PEAK1: variants seen among roughly 807,000 people sequenced by gnomAD.
The protein encoded by PEAK1 is pseudopodium enriched atypical kinase 1.
PEAK1 carries 54 observed loss-of-function variants against 124.7 expected under a neutral mutation model. That is an observed-to-expected ratio of 0.43 (90% CI 0.35 to 0.54). The LOEUF (loss-of-function observed/expected upper bound fraction) is 0.54, where lower values mean the gene tolerates loss of function less well. PEAK1 is among the 20% of genes least tolerant of loss of function. The pLI, the probability that PEAK1 is intolerant of heterozygous loss-of-function variation, is 0.01. For missense variants in PEAK1, 2,046 were observed against 2,134.5 expected, an observed-to-expected ratio of 0.96 and a Z score of 0.82; for synonymous variants, 719 against 760.0, an observed-to-expected ratio of 0.95 and a Z score of 0.89.
In PEAK1 at chr15:77,298,037, C is replaced by T. The variant is rs575463275; in HGVS notation, c.-602-11533G>A. On this transcript the variant is annotated intron_variant, in intron 2 of 9. Transcript: ENST00000682557. ...TGCGCCACTGCAGTCTGCAGTCCGG[C>T]CTGGGCGACAGGGCGAGACTCCGTC... is the stretch of plus-strand genomic sequence containing the variant. 7.0e-3 allele frequency among the ~76,000 whole-genome samples: 828 copies of T among 118,888 alleles called. 19 individuals carry two copies. The highest frequency in any genetic ancestry group is 0.026 in the African/African-American group (789 of 30,792). 78.0% of individuals were successfully genotyped at this position (118,888 alleles called of 152,430 possible).
chr15:77,309,989 T>C (rs1239502561), intron 2 of PEAK1, among the ~76,000 whole-genome samples: 1 of 152,176 alleles, frequency 6.6e-6, no homozygotes, highest in Admixed American at 6.5e-5. Flanking sequence ...ATACCTGAGT[T>C]GTCATTTCAC....
chr15:77,161,171 C>T (rs995807041), intron 7 of PEAK1, among the ~76,000 whole-genome samples: 27 of 152,194 alleles, frequency 1.8e-4, no homozygotes, highest in African/African-American at 4.6e-4. Flanking sequence ...AGGGCCTTCT[C>T]GAGTCTGTTA....
At chr15:77,166,264 G>A (rs576436818) in intron 7 of PEAK1, among the ~76,000 whole-genome samples, 2 of 152,272 alleles carry the variant, frequency 1.3e-5, no homozygotes, top group African/African-American at 4.8e-5. Context: ...CCGAATGCTA[G>A]GCACTGTGCT....
intron 1 of PEAK1, among the ~76,000 whole-genome samples, chr15:77,414,349 A>G (rs1207889446): frequency 3.4e-5 from 5 of 148,958 alleles, no homozygotes; most frequent in South Asian, 2.1e-4. Flanking sequence ...AGGTGGGACT[A>G]CAGGTGTGCA....
chr15:77,331,722 T>A (rs2065901412), intron 2 of PEAK1, among the ~76,000 whole-genome samples: 1 of 151,866 alleles, frequency 6.6e-6, no homozygotes, highest in Non-Finnish European at 1.5e-5. Flanking sequence ...GTCCAAGCAA[T>A]TCTCCTGCCT....
chr15:77,213,301 A>G (rs993454825), intron 6 of PEAK1, among the ~76,000 whole-genome samples: 1 of 152,226 alleles, frequency 6.6e-6, no homozygotes, highest in Non-Finnish European at 1.5e-5. Context: ...CAAAACACAG[A>G]AAATGATAAT....
intron 1 of PEAK1, among the ~76,000 whole-genome samples, chr15:77,373,998 T>A (rs1367362446): frequency 2.6e-5 from 4 of 152,204 alleles, no homozygotes. Flanking sequence ...TAAATGCTTA[T>A]CTTGATAATG....
At position 77,376,417 on chromosome 15, in the gene PEAK1, G is replaced by A. The variant is rs1597498260; in HGVS notation, c.-665-11192C>T. 2.6e-5 allele frequency among the ~76,000 whole-genome samples: 4 copies of A among 152,160 alleles called. No individual in the cohort carries two copies. The Middle Eastern group carries it at 0.01, about 388-fold the overall frequency. ...TGGGGGGGAAGTACCTGCTCTTGAG[G>A]TTCTTTACTAAAAACAGTCCTTCAG... is the stretch of plus-strand genomic sequence containing the variant. On this transcript the variant is annotated intron_variant, in intron 1 of 9. Coordinates refer to ENST00000682557, the MANE Select transcript of PEAK1 (RefSeq NM_001385026.1).
At chr15:77,128,830 T>C (rs762912520) in intron 9 of PEAK1, among the ~76,000 whole-genome samples, 2 of 152,176 alleles carry the variant, frequency 1.3e-5, no homozygotes, top group Non-Finnish European at 2.9e-5. Flanking sequence ...GATATTTAGA[T>C]GAGACTTTGG....
intron 6 of PEAK1, among the ~76,000 whole-genome samples, chr15:77,218,264 A>T (rs1342346990): frequency 2.0e-5 from 3 of 152,176 alleles, no homozygotes; most frequent in Non-Finnish European, 4.4e-5. Flanking sequence ...AGATAACCTC[A>T]ATCAGGTTGA....
At chr15:77,175,395 C>G (rs569135567) in intron 7 of PEAK1, among the ~76,000 whole-genome samples, 1 of 151,700 alleles carries the variant, frequency 6.6e-6, no homozygotes, top group South Asian at 2.1e-4. Context: ...TGAACTCAAA[C>G]AAATTTACAA....
intron 6 of PEAK1, among the ~76,000 whole-genome samples, chr15:77,222,461 T>C (rs916368540): frequency 6.6e-6 from 1 of 152,092 alleles, no homozygotes; most frequent in African/African-American, 2.4e-5. Flanking sequence ...AATGATCTTA[T>C]GCATTTTACA....
intron 6 of PEAK1, among the ~76,000 whole-genome samples, chr15:77,251,975 G>C (rs778686821): frequency 8.5e-5 from 13 of 152,198 alleles, no homozygotes; most frequent in Non-Finnish European, 1.8e-4. Context: ...GATACCACTG[G>C]AGCTGTAACA....
At chr15:77,373,921 A>G (rs925246516) in intron 1 of PEAK1, among the ~76,000 whole-genome samples, 2 of 152,174 alleles carry the variant, frequency 1.3e-5, no homozygotes, top group Non-Finnish European at 2.9e-5. Context: ...TCCAGATACT[A>G]AAGTACTAGA....
At chr15:77,390,629 CAT>C (rs1327712888) in intron 1 of PEAK1, among the ~76,000 whole-genome samples, 2 of 152,172 alleles carry the variant, frequency 1.3e-5, no homozygotes, top group Non-Finnish European at 2.9e-5. Context: ...CAAATATGTA[CAT>C]GTTAATATTT....
At chr15:77,159,945 T>C (rs1252791176) in intron 7 of PEAK1, among the ~76,000 whole-genome samples, 4 of 152,204 alleles carry the variant, frequency 2.6e-5, no homozygotes, top group African/African-American at 7.2e-5. Flanking sequence ...CAGAGGTCTC[T>C]CTATACTGGG....
In PEAK1 at chr15:77,231,707, G is replaced by C. The variant is rs115790644; in HGVS notation, c.-115+20660C>G. 2.2e-3 allele frequency among the ~76,000 whole-genome samples: 333 copies of C among 152,170 alleles called. 1 individual carries two copies. The highest frequency in any genetic ancestry group is 7.6e-3 in the African/African-American group (317 of 41,540). On this transcript the variant is annotated intron_variant, in intron 6 of 9. Transcript: ENST00000682557. The stretch of plus-strand genomic sequence containing the variant: ...GAAATAAATGACAGGTTAAATATTT[G>C]AGTAATTAATTGCATATGAAATTGT...
intron 1 of PEAK1, chr15:77,404,203 C>T (rs1299109285): frequency 1.0e-6 from 1 of 985,416 alleles, no homozygotes; most frequent in African/African-American, 1.7e-5. Flanking sequence ...TCTTGTGAGA[C>T]ACCAAAGTGA....
chr15:77,416,001 T>G (rs960151474), intron 1 of PEAK1, among the ~76,000 whole-genome samples: 1 of 152,194 alleles, frequency 6.6e-6, no homozygotes, highest in African/African-American at 2.4e-5. Context: ...TAGCTACACT[T>G]ACAGTTGTCA....
Sources: allele counts gnomAD v4.1 joint callset (sites outside exome capture counted in the v4.1 genomes callset), GRCh38; gene constraint gnomAD v4.1.1; transcripts MANE v1.5; gene names NCBI Gene and HGNC (gene_info 2026-07-23, HGNC 2026-07-21).